Variants in RIMBP2 observed in about 807,000 individuals in gnomAD.
RIMBP2 encodes RIMS-binding protein 2.
In RIMBP2, 48 loss-of-function variants were observed where a neutral mutation model predicts 118.6. The ratio of observed to expected loss-of-function variants is 0.40; its 90% CI spans 0.32 to 0.51. The LOEUF (loss-of-function observed/expected upper bound fraction) is 0.51. Ranked by LOEUF, RIMBP2 falls within the 20% of genes least tolerant of loss-of-function variation. RIMBP2 has a pLI of 0.41. For synonymous variants in RIMBP2, 762 were observed against 742.9 expected (o/e 1.03, Z -0.42); for missense variants, 1,551 against 1,768.3 (o/e 0.88, Z 2.20).
intron 2 of RIMBP2, among the ~76,000 whole-genome samples, chr12:130,606,856 A>G (rs2060221420): frequency 6.6e-6 from 1 of 152,100 alleles, no homozygotes; most frequent in African/African-American, 2.4e-5. Flanking sequence ...TTTTAAGATG[A>G]AGTCTTGCTC....
chr12:130,566,049 GGTCAAATCT>G (rs2057192520), intron 2 of RIMBP2, among the ~76,000 whole-genome samples: 1 of 152,130 alleles, frequency 6.6e-6, no homozygotes, highest in African/African-American at 2.4e-5. Context: ...TGATAAAGAG[GGTCAAATCT>G]GTAATCTGCC....
intron 2 of RIMBP2, among the ~76,000 whole-genome samples, chr12:130,590,098 T>C (rs889039463): frequency 2.0e-5 from 3 of 152,112 alleles, no homozygotes; most frequent in Non-Finnish European, 4.4e-5. Flanking sequence ...GAAAGCATTC[T>C]TCCTGCAGAC....
At chr12:130,654,748 G>A (rs1277877548) in intron 1 of RIMBP2, among the ~76,000 whole-genome samples, 1 of 152,236 alleles carries the variant, frequency 6.6e-6, no homozygotes, top group Non-Finnish European at 1.5e-5. Flanking sequence ...TTGGCTCATG[G>A]TTCTGCAGGC....
intron 2 of RIMBP2, among the ~76,000 whole-genome samples, chr12:130,601,379 G>A (rs928417814): frequency 5.6e-5 from 8 of 142,162 alleles, no homozygotes; most frequent in African/African-American, 1.5e-4. Flanking sequence ...GCTGGTGAAT[G>A]TGATTATCTT....
At chr12:130,410,302 A>G (rs1316480692) in intron 19 of RIMBP2, among the ~76,000 whole-genome samples, 1 of 152,122 alleles carries the variant, frequency 6.6e-6, no homozygotes, top group African/African-American at 2.4e-5. Flanking sequence ...AGTGGGTTTT[A>G]CTTGCAAGGA....
intron 4 of RIMBP2, among the ~76,000 whole-genome samples, chr12:130,484,141 C>T (rs1017834504): frequency 6.6e-6 from 1 of 152,200 alleles, no homozygotes; most frequent in Non-Finnish European, 1.5e-5. Context: ...CGATGCCCCC[C>T]GAAGTGGACC....
At chr12:130,568,261 C>A (rs959597562) in intron 2 of RIMBP2, among the ~76,000 whole-genome samples, 18 of 152,188 alleles carry the variant, frequency 1.2e-4, no homozygotes, top group African/African-American at 4.1e-4. Context: ...GGGGACTCAG[C>A]ACGGGGGTGT....
At chr12:130,594,917 G>A (rs2059466033) in intron 2 of RIMBP2, among the ~76,000 whole-genome samples, 1 of 152,180 alleles carries the variant, frequency 6.6e-6, no homozygotes, top group Non-Finnish European at 1.5e-5. Flanking sequence ...TCTTGCCGGG[G>A]AGTAATACAA....
rs181366653 is a variant in RIMBP2, at chr12:130,693,178, G to A, written c.-352+23044C>T. The stretch of plus-strand genomic sequence containing the variant: ...GGAAACACTCGTCTGTCTCCCCACC[G>A]TGTCCATGAGGTCCCTGTGATATGA... On this transcript the variant is annotated intron_variant, in intron 1 of 22. Transcript: ENST00000690449. Among the ~76,000 whole-genome samples the A allele has an allele frequency of 5.3e-5, 8 of 152,178 alleles. No individual in the cohort carries two copies. The South Asian group carries it at 8.3e-4, about 16-fold the overall frequency.
chr12:130,538,128 C>T (rs2054238258), intron 2 of RIMBP2, among the ~76,000 whole-genome samples: 1 of 151,958 alleles, frequency 6.6e-6, no homozygotes. Flanking sequence ...GATGGCAGCT[C>T]GTGACTGCAT....
chr12:130,399,234 T>C (rs2074296103), intron 22 of RIMBP2: 1 of 848,532 alleles, frequency 1.2e-6, no homozygotes. Flanking sequence ...CTTGCAGTGA[T>C]GAAATAAAAT....
chr12:130,539,801 C>G (rs10848142), intron 2 of RIMBP2, among the ~76,000 whole-genome samples: 1,572 of 8,302 alleles, frequency 0.19, 313 homozygotes, highest in East Asian at 0.4. Flanking sequence ...AAATGCAGTC[C>G]ATGAGGTGGC....
chr12:130,610,680 C>T (rs562338737), intron 2 of RIMBP2, among the ~76,000 whole-genome samples: 84 of 149,844 alleles, frequency 5.6e-4, no homozygotes, highest in Admixed American at 2.9e-3. Flanking sequence ...CCTGCCTCAG[C>T]CTCCCAAGTA....
intron 21 of RIMBP2, among the ~76,000 whole-genome samples, chr12:130,403,973 T>C (rs947054607): frequency 2.0e-5 from 3 of 152,200 alleles, no homozygotes; most frequent in African/African-American, 7.2e-5. Context: ...AACCTACATA[T>C]AACATGTAAA....
intron 21 of RIMBP2, among the ~76,000 whole-genome samples, chr12:130,400,416 G>GTT (rs1446567975): frequency 6.6e-6 from 1 of 152,184 alleles, no homozygotes; most frequent in African/African-American, 2.4e-5. Context: ...TATCCTTCCA[G>GTT]ATCTTTCTAC....
chr12:130,452,448 G>A (rs1170268425), intron 7 of RIMBP2, among the ~76,000 whole-genome samples: 1 of 152,226 alleles, frequency 6.6e-6, no homozygotes, highest in Non-Finnish European at 1.5e-5. Flanking sequence ...TGGAGGGCAG[G>A]ACCTTGTTGT....
intron 2 of RIMBP2, among the ~76,000 whole-genome samples, chr12:130,528,915 AAC>A (rs2053084498): frequency 6.6e-6 from 1 of 152,218 alleles, no homozygotes; most frequent in African/African-American, 2.4e-5. Context: ...TAAAAAGTTC[AAC>A]AGACTCACTA....
intron 1 of RIMBP2, chr12:130,667,687 G>A (rs560341583): frequency 2.0e-5 from 3 of 152,376 alleles, no homozygotes; most frequent in Admixed American, 2.0e-4. Flanking sequence ...TTAGAGGTTT[G>A]GGGCTTGGAG....
chr12:130,664,403 G>GCACGCA (rs1566438875), intron 1 of RIMBP2, among the ~76,000 whole-genome samples: 2,145 of 61,308 alleles, frequency 0.035, 62 homozygotes, highest in Admixed American at 0.085. Flanking sequence ...ACACACGCAC[G>GCACGCA]CACGCACGCA....
Sources: allele counts gnomAD v4.1 joint callset (sites outside exome capture counted in the v4.1 genomes callset), GRCh38; gene constraint gnomAD v4.1.1; transcripts MANE v1.5; gene names NCBI Gene and HGNC (gene_info 2026-07-23, HGNC 2026-07-21).